Variants in DOCK9 observed in about 807,000 individuals in gnomAD.
DOCK9 encodes the protein dedicator of cytokinesis protein 9.
In DOCK9, 89 loss-of-function variants were observed where a neutral mutation model predicts 263.3. That is an observed-to-expected ratio of 0.34 (90% CI 0.28 to 0.40). DOCK9 has a LOEUF of 0.40. DOCK9 is among the 10% of genes least tolerant of loss of function. The pLI, the probability that DOCK9 is intolerant of heterozygous loss-of-function variation, is 1.00. For missense variants in DOCK9, 2,140 were observed against 2,603.4 expected (o/e 0.82, Z 3.87); for synonymous variants, 976 against 973.1 (o/e 1.00, Z -0.06).
intron 1 of DOCK9, among the ~76,000 whole-genome samples, chr13:98,972,667 C>A (rs766973934): frequency 2.6e-5 from 4 of 152,196 alleles, no homozygotes; most frequent in African/African-American, 7.2e-5. Flanking sequence ...GTTCGGCCTG[C>A]GCCTTCTGCA....
intron 1 of DOCK9, among the ~76,000 whole-genome samples, chr13:99,073,710 C>G (rs1472439389): frequency 6.6e-6 from 1 of 152,118 alleles, no homozygotes; most frequent in Non-Finnish European, 1.5e-5. Flanking sequence ...TCCTGGTGTT[C>G]ACTTTTCTTC....
At chr13:98,945,940 GC>G (rs1231492282) in intron 2 of DOCK9, among the ~76,000 whole-genome samples, 38 of 152,302 alleles carry the variant, frequency 2.5e-4, no homozygotes, top group African/African-American at 8.7e-4. Flanking sequence ...GTCAGCAACA[GC>G]CTCATTGCAA....
intron 38 of DOCK9, among the ~76,000 whole-genome samples, chr13:98,838,073 TC>T (rs2093074363): frequency 2.6e-5 from 4 of 152,324 alleles, no homozygotes; most frequent in African/African-American, 9.6e-5. Context: ...GATTCTGCTA[TC>T]CAGCAGGAGT....
intron 1 of DOCK9, among the ~76,000 whole-genome samples, chr13:98,983,712 G>GT (rs1877796136): frequency 6.6e-6 from 1 of 151,940 alleles, no homozygotes; most frequent in South Asian, 2.1e-4. Flanking sequence ...TGCCTCCTGG[G>GT]TTCAAGTGAT....
chr13:99,032,896 G>C (rs920307522), intron 1 of DOCK9, among the ~76,000 whole-genome samples: 1 of 152,140 alleles, frequency 6.6e-6, no homozygotes, highest in Non-Finnish European at 1.5e-5. Flanking sequence ...GAGTAGTGAG[G>C]TTACACATTC....
chr13:98,921,968 C>A, intron 6 of DOCK9, 83 bp downstream of exon 6: 2 of 1,152,144 alleles, frequency 1.7e-6, no homozygotes, highest in Non-Finnish European at 2.5e-6. Flanking sequence ...GAACAGCATG[C>A]GCATTCATCT....
intron 1 of DOCK9, among the ~76,000 whole-genome samples, chr13:98,962,646 A>G (rs1477328861): frequency 2.6e-5 from 4 of 152,186 alleles, no homozygotes; most frequent in East Asian, 3.9e-4. Context: ...TTAAAAAAAA[A>G]AAAAAGAAAA....
chr13:98,926,577 T>G (rs1033603699), intron 3 of DOCK9, among the ~76,000 whole-genome samples: 1 of 152,244 alleles, frequency 6.6e-6, no homozygotes, highest in Non-Finnish European at 1.5e-5. Context: ...ACAGATTCAA[T>G]GGGCCAGCCT....
intron 1 of DOCK9, among the ~76,000 whole-genome samples, chr13:99,052,741 T>C (rs1244079378): frequency 6.6e-6 from 1 of 151,204 alleles, no homozygotes; most frequent in Non-Finnish European, 1.5e-5. Flanking sequence ...ACTGGGACTA[T>C]AGACACATGC....
chr13:99,040,156 C>T (rs1044441857), intron 1 of DOCK9, among the ~76,000 whole-genome samples: 2 of 152,098 alleles, frequency 1.3e-5, no homozygotes, highest in South Asian at 2.1e-4. Context: ...TCATCTCTCC[C>T]GCACCCCTAC....
At chr13:98,854,773 A>G (rs1412441120) in intron 34 of DOCK9, 1 of 152,162 alleles carries the variant, frequency 6.6e-6, no homozygotes, top group African/African-American at 2.4e-5. Context: ...GTCAAGGGAA[A>G]AGTTCAATAC....
chr13:98,991,666 A>G (rs1406209034), intron 1 of DOCK9, among the ~76,000 whole-genome samples: 2 of 150,912 alleles, frequency 1.3e-5, no homozygotes, highest in East Asian at 3.9e-4. Context: ...AAAATGTAAA[A>G]TTATATATAA....
At position 98,829,293 on chromosome 13, in the gene DOCK9, G is replaced by A. The variant is rs767979305; in HGVS notation, c.4965+14C>T. On this transcript the variant is annotated intron_variant, in intron 43 of 52. Coordinates refer to ENST00000682017, the MANE Select transcript of DOCK9 (RefSeq NM_001366683.2). The surrounding 1 kb of genome is among the most constrained non-coding windows in gnomAD (Gnocchi z 4.1). ...TTTTCAAAAACCCATTCAAGCGGCTGGCAGGGCTACTACCTCTGAGAGATC... is the reference window on the plus strand; with the variant it reads ...TTTTCAAAAACCCATTCAAGCGGCTAGCAGGGCTACTACCTCTGAGAGATC... 2.9e-5 allele frequency: 46 copies of A among 1,604,656 alleles called. No homozygotes were observed. Among genetic ancestry groups the A allele is most frequent in the Non-Finnish European group, 3.9e-5 (46 of 1,174,896 alleles).
intron 38 of DOCK9, among the ~76,000 whole-genome samples, chr13:98,840,314 T>C (rs1245717041): frequency 6.6e-6 from 1 of 152,222 alleles, no homozygotes; most frequent in Non-Finnish European, 1.5e-5. Flanking sequence ...TAGGGGGCCG[T>C]GGTGCCTGGG....
chr13:98,820,100 G>C (rs2092169831), intron 45 of DOCK9, among the ~76,000 whole-genome samples: 1 of 152,172 alleles, frequency 6.6e-6, no homozygotes, highest in Admixed American at 6.5e-5. Flanking sequence ...GAAAATGCAA[G>C]GTTCAGTTCC....
Position 98,897,508 on chromosome 13 carries a change from C to G in DOCK9, c.1689G>C (p.Lys563Asn). The change falls in exon 15 of 53, where the codon AAG (lysine) becomes AAC (asparagine). Residue 563 changes from lysine to asparagine, a missense_variant. Physicochemically the swap from Lys to Asn is moderately conservative, Grantham distance 94. This residue lies in a region of DOCK9 where 1,521 missense variants were observed against 1,741.7 expected (regional missense o/e 0.87). Transcript: ENST00000682017. ...CTCACTTCCGAAAGTCTGCAAGTAA[C>G]TTGAGCATGTCATCATTGGATAGCT... Reference protein sequence around the residue: ...SNKLSNDDMLKLLADFRKPEK... With the variant: ...SNKLSNDDMLNLLADFRKPEK... 1 of 1,613,754 alleles carries G rather than the reference C, an allele frequency of 6.2e-7. No homozygotes were observed. The highest frequency in any genetic ancestry group is 8.5e-7 in the Non-Finnish European group (1 of 1,179,818).
intron 30 of DOCK9, 143 bp downstream of exon 30, chr13:98,867,282 A>T (rs1345655409): frequency 8.1e-6 from 5 of 615,674 alleles, no homozygotes; most frequent in Non-Finnish European, 1.4e-5. Flanking sequence ...ACTTTTTGAA[A>T]TGGAAATTTC....
rs9517492 is a variant in DOCK9 at position 98,936,301 on chromosome 13, A to G, written c.244-6044T>C. ...CACCAGATTGCAAATTCCTTTGAGA[A>G]CAGGAGATACATCTTCCTATTTCTA... On this transcript the variant is annotated intron_variant, in intron 2 of 52. Transcript: ENST00000682017. Among the ~76,000 whole-genome samples, 1,403 of 152,256 alleles carry G rather than the reference A, an allele frequency of 9.2e-3. 18 individuals are homozygous for G. Among genetic ancestry groups the G allele is most frequent in the Middle Eastern group, 0.054 (16 of 294 alleles).
chr13:98,843,866 G>A (rs188076416), intron 38 of DOCK9, among the ~76,000 whole-genome samples: 7 of 152,254 alleles, frequency 4.6e-5, no homozygotes, highest in African/African-American at 1.7e-4. Context: ...ATATCCGAGT[G>A]GATTAAGGTT....
Sources: gnomAD v4.1 joint callset for allele counts (sites outside exome capture counted in the v4.1 genomes callset) on GRCh38, gnomAD v4.1.1 for gene constraint, gnomAD v4.1.1 regional missense constraint, Gnocchi (gnomAD v3.1) non-coding constraint, MANE v1.5 for transcripts, NCBI Gene and HGNC (gene_info 2026-07-23, HGNC 2026-07-21) for gene names.